LRRC15: variants seen among roughly 807,000 people sequenced by gnomAD.
The protein encoded by LRRC15 is leucine-rich repeat-containing protein 15.
A neutral mutation model predicts 4.3 loss-of-function variants in LRRC15; 5 were observed. The observed-to-expected ratio is 1.16, with a 90% CI of 0.61 to 2.44. LRRC15 has a LOEUF of 2.44. LRRC15 is among the 30% of genes most tolerant of loss of function. LRRC15 has a pLI of 0.01. For missense variants in LRRC15, 769 were observed against 747.0 expected, an observed-to-expected ratio of 1.03 and a Z score of -0.34; for synonymous variants, 337 against 323.2, an observed-to-expected ratio of 1.04 and a Z score of -0.46.
intron 1 of LRRC15, among the ~76,000 whole-genome samples, chr3:194,366,454 G>A (rs1713782370): frequency 6.6e-6 from 1 of 152,186 alleles, no homozygotes; most frequent in Non-Finnish European, 1.5e-5. Flanking sequence ...CCAGGATTCT[G>A]CATGTTTTAC....
intron 1 of LRRC15, among the ~76,000 whole-genome samples, chr3:194,364,560 T>C (rs1216169782): frequency 1.3e-5 from 2 of 152,086 alleles, no homozygotes; most frequent in African/African-American, 4.8e-5. Flanking sequence ...GACCCATCTT[T>C]ATGTGGCTTT....
At position 194,367,331 on chromosome 3, in the gene LRRC15, G is replaced by A. The variant is rs537136431; in HGVS notation, c.-4+2330C>T. 2.5e-4 allele frequency among the ~76,000 whole-genome samples: 38 copies of A among 151,820 alleles called. 1 individual carries two copies. Among genetic ancestry groups the A allele is most frequent in the African/African-American group, 7.0e-4 (29 of 41,420 alleles). ...TTTATTTATCTATTTTTTTTGAGAC[G>A]GAGTCTTGCTCTGTCACCCAGACTG... On this transcript the variant is annotated intron_variant, in intron 1 of 1. Transcript: ENST00000347624.
intron 1 of LRRC15, among the ~76,000 whole-genome samples, chr3:194,363,085 C>A (rs1713679405): frequency 6.6e-6 from 1 of 151,882 alleles, no homozygotes; most frequent in Admixed American, 6.6e-5. Context: ...GGAATTAAGG[C>A]GCATGCCACC....
chr3:194,362,298 G>A (rs925666762), intron 1 of LRRC15, among the ~76,000 whole-genome samples: 5 of 152,098 alleles, frequency 3.3e-5, no homozygotes, highest in African/African-American at 9.7e-5. Flanking sequence ...CTCCCGCCCC[G>A]TTCTTGGGGC....
chr3:194,362,934 A>ATTTTT (rs1162019236), intron 1 of LRRC15, among the ~76,000 whole-genome samples: 3 of 114,756 alleles, frequency 2.6e-5, no homozygotes, highest in Non-Finnish European at 1.7e-5. Flanking sequence ...ACAGACCTTG[A>ATTTTT]TTTTGTTTTT....
At position 194,356,503 on chromosome 3, in the gene LRRC15, T is replaced by A. The variant is rs1713431774; in HGVS notation, c.*2795A>T. 1 of 152,138 alleles carries A rather than the reference T, an allele frequency of 6.6e-6. No homozygotes were observed. The highest frequency in any genetic ancestry group is 1.5e-5 in the Non-Finnish European group (1 of 68,042). The allele number at this position is 152,138 out of a possible 1,614,324, so 9.4% of individuals were successfully genotyped here. ...CTAGTAGCTCCTCAGCCAGACAACA[T>A]GGTGCAGAGAGGTTGAAGGGCCCGC... On this transcript the variant is annotated 3_prime_UTR_variant, in exon 2 of 2. Coordinates refer to ENST00000347624, the MANE Select transcript of LRRC15 (RefSeq NM_130830.5).
intron 1 of LRRC15, 102 bp downstream of exon 1, chr3:194,369,559 C>G (rs1246330450): frequency 2.0e-5 from 3 of 152,488 alleles, no homozygotes; most frequent in Non-Finnish European, 4.4e-5. Flanking sequence ...TCAGCTCTGC[C>G]CCTTCTGGGG....
rs764811604 is a variant in LRRC15 at position 194,360,167 on chromosome 3, G to A, written c.877C>T (p.Pro293Ser). 1.1e-5 allele frequency: 17 copies of A among 1,613,868 alleles called. No homozygotes were observed. The highest frequency in any genetic ancestry group is 2.2e-5 in the East Asian group (1 of 44,882). Residue 293 changes from proline to serine, a missense_variant, in exon 2 of 2, where the codon CCC (proline) becomes TCC (serine). Transcript: ENST00000347624. The stretch of plus-strand genomic sequence containing the variant: ...TAGAGCCAAAGCTCCCGCAGGTTGG[G>A]CATGGGCCCGAAGATCCCCGGAGAG... Reference protein sequence around the residue: ...ELSPGIFGPMPNLRELWLYDN... With the variant: ...ELSPGIFGPMSNLRELWLYDN...
chr3:194,366,536 G>C (rs1246447480), intron 1 of LRRC15, among the ~76,000 whole-genome samples: 1 of 152,180 alleles, frequency 6.6e-6, no homozygotes, highest in Non-Finnish European at 1.5e-5. Flanking sequence ...GTCTAGACTA[G>C]CCGAGAACCC....
intron 1 of LRRC15, chr3:194,363,316 A>T (rs756464219): frequency 1.4e-6 from 1 of 696,632 alleles, no homozygotes; most frequent in South Asian, 1.6e-5. Flanking sequence ...AACTTGACTA[A>T]GCATATAGAA....
In LRRC15 at chr3:194,358,180, G is replaced by A. The variant is rs184096763; in HGVS notation, c.*1118C>T. ...GTGGGGGGACCGTCCTGGCTCATGG[G>A]GGGCAGGTCCCAGGTAAGTCCATCT... On this transcript the variant is annotated 3_prime_UTR_variant, in exon 2 of 2. Transcript: ENST00000347624. 1.3e-5 allele frequency: 2 copies of A among 152,616 alleles called. No individual in the cohort carries two copies. The highest frequency in any genetic ancestry group is 6.5e-5 in the Admixed American group (1 of 15,312). The allele number at this position is 152,616 out of a possible 1,614,324, so 9.5% of individuals were successfully genotyped here.
At chr3:194,367,095 G>A (rs1396521227) in intron 1 of LRRC15, among the ~76,000 whole-genome samples, 2 of 152,162 alleles carry the variant, frequency 1.3e-5, no homozygotes, top group East Asian at 3.9e-4. Flanking sequence ...TCAACTACCA[G>A]GCTGCATGGG....
chr3:194,364,253 C>T (rs1295051001), intron 1 of LRRC15, among the ~76,000 whole-genome samples: 1 of 152,130 alleles, frequency 6.6e-6, no homozygotes, highest in Non-Finnish European at 1.5e-5. Flanking sequence ...GACAACGGTG[C>T]CTGTACTCTT....
Position 194,356,288 on chromosome 3 carries a change from G to T in LRRC15, c.*3010C>A, listed in dbSNP as rs1228735992. 1 of 152,154 alleles carries T rather than the reference G, an allele frequency of 6.6e-6. No homozygotes were observed. Among genetic ancestry groups the T allele is most frequent in the Non-Finnish European group, 1.5e-5 (1 of 68,042 alleles). 9.4% of individuals were successfully genotyped at this position (152,154 alleles called of 1,614,324 possible). On this transcript the variant is annotated 3_prime_UTR_variant, in exon 2 of 2. Transcript: ENST00000347624. Reference sequence around the variant, plus strand: ...ATAGTGGTTCTAATTGGCTTTTGTTGTTTCTTCTCCAACACTGACTCCCAG... The same window carrying T: ...ATAGTGGTTCTAATTGGCTTTTGTTTTTTCTTCTCCAACACTGACTCCCAG...
intron 1 of LRRC15, among the ~76,000 whole-genome samples, chr3:194,367,898 G>A (rs111812444): frequency 1.3e-5 from 2 of 152,326 alleles, no homozygotes; most frequent in African/African-American, 4.8e-5. Context: ...CTTCTGTTGG[G>A]GATCCTCCCA....
At chr3:194,362,394 A>G (rs905780754) in intron 1 of LRRC15, among the ~76,000 whole-genome samples, 1 of 152,170 alleles carries the variant, frequency 6.6e-6, no homozygotes, top group African/African-American at 2.4e-5. Flanking sequence ...GCTTATCCAC[A>G]GCATGGACCC....
intron 1 of LRRC15, among the ~76,000 whole-genome samples, chr3:194,367,537 A>AT (rs1713815677): frequency 6.6e-6 from 1 of 152,092 alleles, no homozygotes; most frequent in African/African-American, 2.4e-5. Flanking sequence ...TGATCTCCTG[A>AT]CCTCATGATC....
chr3:194,369,197 G>A (rs1191538036), intron 1 of LRRC15, among the ~76,000 whole-genome samples: 1 of 152,260 alleles, frequency 6.6e-6, no homozygotes, highest in Non-Finnish European at 1.5e-5. Context: ...CAAATGCGGG[G>A]CAGACCACTG....
Position 194,360,893 on chromosome 3 carries a change from GA to G in LRRC15, c.150del (p.Leu51CysfsTer6), listed in dbSNP as rs1713609035. 6.2e-7 allele frequency: 1 copy of G among 1,606,880 alleles called. No individual in the cohort carries two copies. Among genetic ancestry groups the G allele is most frequent in the Non-Finnish European group, 8.5e-7 (1 of 1,176,272 alleles). ...TGCAGGCTCATGGCGTTCCAGGGCA[GA>G]GGGGTGGGCACTGCCACAATGCGTG... Reference protein sequence around the residue: ...TGARIVAVPTPLPWNAMSLQI... With the variant: ...TGARIVAVPTXLPWNAMSLQI... On this transcript the variant is annotated frameshift_variant, in exon 2 of 2. Transcript: ENST00000347624. LOFTEE classifies it low-confidence loss of function (END_TRUNC).
Sources: allele counts gnomAD v4.1 joint callset (sites outside exome capture counted in the v4.1 genomes callset), GRCh38; gene constraint gnomAD v4.1.1; transcripts MANE v1.5; gene names NCBI Gene and HGNC (gene_info 2026-07-23, HGNC 2026-07-21).